The following TYW1B variants were observed in gnomAD, a reference collection of about 807,000 sequenced individuals.
TYW1B encodes S-adenosyl-L-methionine-dependent tRNA 4-demethylwyosine synthase TYW1B.
In TYW1B, 73 loss-of-function variants were observed where a neutral mutation model predicts 86.9. The observed-to-expected ratio is 0.84, with a 90% CI of 0.70 to 1.02. The LOEUF (loss-of-function observed/expected upper bound fraction) is 1.02. Among genes scored for constraint, TYW1B ranks in the 50% least tolerant of loss-of-function variants. The pLI, the probability that TYW1B is intolerant of heterozygous loss-of-function variation, is 0.00. For missense variants in TYW1B, 637 were observed against 827.4 expected, an observed-to-expected ratio of 0.77 and a Z score of 2.82; for synonymous variants, 248 against 292.8, an observed-to-expected ratio of 0.85 and a Z score of 1.56.
intron 11 of TYW1B, among the ~76,000 whole-genome samples, chr7:72,692,988 G>A (rs1181208961): frequency 2.0e-5 from 3 of 152,212 alleles, no homozygotes; most frequent in East Asian, 1.9e-4. Context: ...GGAGAGAAAG[G>A]CAAGTTTTCT....
At chr7:72,681,510 C>A (rs1421684087) in intron 11 of TYW1B, among the ~76,000 whole-genome samples, 4 of 150,856 alleles carry the variant, frequency 2.7e-5, no homozygotes, top group African/African-American at 4.9e-5. Context: ...AAAGATAAGA[C>A]TTGTGAGGCT....
intron 6 of TYW1B, among the ~76,000 whole-genome samples, chr7:72,793,791 G>A (rs549004429): frequency 5.9e-5 from 9 of 151,804 alleles, no homozygotes; most frequent in African/African-American, 1.7e-4. Flanking sequence ...AGATCACAGA[G>A]ATGAAAGAGT....
chr7:72,601,683 TAAAA>T (rs1222810092), intron 13 of TYW1B, among the ~76,000 whole-genome samples: 3 of 38,442 alleles, frequency 7.8e-5, no homozygotes, highest in African/African-American at 2.8e-4. Flanking sequence ...TATTTGCCAA[TAAAA>T]AAAAAAAATG....
chr7:72,623,889 C>T (rs578163484), intron 12 of TYW1B, among the ~76,000 whole-genome samples: 1 of 152,242 alleles, frequency 6.6e-6, no homozygotes, highest in Non-Finnish European at 1.5e-5. Context: ...GCAGCCTCTG[C>T]CTCCTGGATT....
intron 7 of TYW1B, among the ~76,000 whole-genome samples, chr7:72,759,120 C>T (rs1787645038): frequency 6.6e-6 from 1 of 152,158 alleles, no homozygotes; most frequent in Non-Finnish European, 1.5e-5. Context: ...GACTTGAGCT[C>T]AGGAGTTCGA....
chr7:72,729,086 T>G (rs1554459322), intron 8 of TYW1B, among the ~76,000 whole-genome samples, 155 bp from the exon 9 acceptor site: 1 of 152,180 alleles, frequency 6.6e-6, no homozygotes, highest in African/African-American at 2.4e-5. Flanking sequence ...CCAACTTATT[T>G]TAAATCGTGA....
intron 11 of TYW1B, among the ~76,000 whole-genome samples, chr7:72,671,979 T>C (rs1813616925): frequency 7.2e-6 from 1 of 138,590 alleles, no homozygotes; most frequent in Admixed American, 7.6e-5. Flanking sequence ...TGATATGGTT[T>C]GGCTGGGTCC....
intron 6 of TYW1B, among the ~76,000 whole-genome samples, chr7:72,789,431 C>T (rs532811244): frequency 3.5e-4 from 53 of 152,300 alleles, no homozygotes; most frequent in Non-Finnish European, 6.2e-4. Flanking sequence ...CCACCAAGCC[C>T]GGCCCGAGTA....
rs116539929 is a variant in TYW1B, at chr7:72,813,822, A to C, written c.237+1558T>G. Among the ~76,000 whole-genome samples the C allele has an allele frequency of 6.6e-3, 1,006 of 152,082 alleles. 13 individuals carry two copies. The highest frequency in any genetic ancestry group is 0.021 in the African/African-American group (868 of 41,492). Reference sequence around the variant, plus strand: ...CTGATGTCAGGAGTTCGACACAAGCATGGCCAATATAATGAAACCCCATGT... The same window carrying C: ...CTGATGTCAGGAGTTCGACACAAGCCTGGCCAATATAATGAAACCCCATGT... On this transcript the variant is annotated intron_variant, in intron 3 of 13. Transcript: ENST00000620995.
intron 11 of TYW1B, among the ~76,000 whole-genome samples, chr7:72,632,285 G>GTATATATATATATATATATATATATTATA (rs1239640717): frequency 1.2e-5 from 1 of 83,568 alleles, no homozygotes; most frequent in Non-Finnish European, 2.1e-5. Flanking sequence ...ATATATACGT[G>GTATATATATATATATATATATATATTATA]TATATATATA....
chr7:72,656,165 C>G (rs1300899027), intron 11 of TYW1B, among the ~76,000 whole-genome samples: 1 of 152,158 alleles, frequency 6.6e-6, no homozygotes, highest in Non-Finnish European at 1.5e-5. Context: ...CCTCCACTAA[C>G]AACCACAGCC....
At chr7:72,755,009 T>C (rs1787562168) in intron 7 of TYW1B, among the ~76,000 whole-genome samples, 1 of 152,160 alleles carries the variant, frequency 6.6e-6, no homozygotes, top group Non-Finnish European at 1.5e-5. Context: ...GAGTCTGATA[T>C]TACTGAAAAT....
chr7:72,618,227 ATTTTTT>A (rs869158136), intron 12 of TYW1B, among the ~76,000 whole-genome samples: 39 of 103,944 alleles, frequency 3.8e-4, no homozygotes, highest in African/African-American at 7.1e-4. Flanking sequence ...ATGACACTGA[ATTTTTT>A]TTTTTTTTTT....
intron 11 of TYW1B, among the ~76,000 whole-genome samples, chr7:72,692,396 T>G (rs1158301828): frequency 1.3e-5 from 2 of 151,320 alleles, no homozygotes; most frequent in Non-Finnish European, 2.9e-5. Flanking sequence ...GTGCCTGTGG[T>G]CCCAGTACTT....
At chr7:72,577,826 C>T (rs1379535389) in intron 13 of TYW1B, among the ~76,000 whole-genome samples, 2 of 152,184 alleles carry the variant, frequency 1.3e-5, no homozygotes, top group Non-Finnish European at 2.9e-5. Flanking sequence ...CACGTGACGC[C>T]CAAGCTGTTC....
chr7:72,825,010 G>T (rs1554481185), intron 2 of TYW1B, among the ~76,000 whole-genome samples: 1 of 151,662 alleles, frequency 6.6e-6, no homozygotes, highest in Non-Finnish European at 1.5e-5. Context: ...GGCTGAGGTG[G>T]GAGGATGCCT....
intron 11 of TYW1B, among the ~76,000 whole-genome samples, chr7:72,652,471 C>A (rs1554442965): frequency 7.0e-6 from 1 of 142,630 alleles, no homozygotes; most frequent in African/African-American, 2.6e-5. Flanking sequence ...TTACTACATA[C>A]AACATGGCTA....
chr7:72,645,904 T>C (rs1408454196), intron 11 of TYW1B, among the ~76,000 whole-genome samples: 9 of 150,488 alleles, frequency 6.0e-5, no homozygotes, highest in East Asian at 3.9e-4. Flanking sequence ...TCTGTGTGTA[T>C]GGTATACTCC....
chr7:72,701,041 G>A (rs1317657304), intron 10 of TYW1B, among the ~76,000 whole-genome samples: 2 of 151,566 alleles, frequency 1.3e-5, no homozygotes, highest in African/African-American at 4.9e-5. Context: ...TCTAGCCTGG[G>A]TGACAGAGCA....
Sources: gnomAD v4.1 joint callset for allele counts (sites outside exome capture counted in the v4.1 genomes callset) on GRCh38, gnomAD v4.1.1 for gene constraint, MANE v1.5 for transcripts, NCBI Gene and HGNC (gene_info 2026-07-23, HGNC 2026-07-21) for gene names.